Variants in PCP4 observed in about 807,000 individuals in gnomAD.
PCP4 encodes calmodulin regulator protein PCP4.
PCP4 carries 8 observed loss-of-function variants against 10.0 expected under a neutral mutation model. That is an observed-to-expected ratio of 0.80 (90% CI 0.47 to 1.45). The LOEUF (loss-of-function observed/expected upper bound fraction) is 1.45. Among genes scored for constraint, PCP4 ranks in the 40% most tolerant of loss-of-function variants. PCP4 has a pLI of 0.00. For missense variants in PCP4, 54 were observed against 74.4 expected (o/e 0.73, Z 1.01); for synonymous variants, 21 against 23.0 (o/e 0.91, Z 0.24).
At chr21:39,871,931 T>C (rs2087322237) in intron 1 of PCP4, among the ~76,000 whole-genome samples, 1 of 152,288 alleles carries the variant, frequency 6.6e-6, no homozygotes, top group Middle Eastern at 3.4e-3. Flanking sequence ...ACGATCAAGA[T>C]GAAAAGAAAA....
At chr21:39,927,310 CT>C (rs1222344919) in intron 2 of PCP4, among the ~76,000 whole-genome samples, 51 of 118,164 alleles carry the variant, frequency 4.3e-4, no homozygotes, top group African/African-American at 1.1e-3. Context: ...ATCTATCTAT[CT>C]ATCTATCTAT....
intron 2 of PCP4, among the ~76,000 whole-genome samples, chr21:39,922,551 C>T (rs545678371): frequency 7.2e-5 from 11 of 152,174 alleles, no homozygotes; most frequent in African/African-American, 2.4e-4. Context: ...TTCCAAGCCT[C>T]AGGGAGCATC....
intron 2 of PCP4, among the ~76,000 whole-genome samples, chr21:39,898,834 G>C (rs1340198003): frequency 6.6e-6 from 1 of 152,200 alleles, no homozygotes; most frequent in Non-Finnish European, 1.5e-5. Context: ...AATCATCCAA[G>C]TTGTTGTGAG....
At chr21:39,880,990 C>G (rs1034131) in intron 1 of PCP4, among the ~76,000 whole-genome samples, 102,847 of 151,984 alleles carry the variant, frequency 0.68, 36,576 homozygotes, top group African/African-American at 0.91. Flanking sequence ...GTTGGTTGTT[C>G]GTATTGGTGG....
chr21:39,918,507 A>G (rs1165735542), intron 2 of PCP4, among the ~76,000 whole-genome samples: 1 of 152,228 alleles, frequency 6.6e-6, no homozygotes, highest in African/African-American at 2.4e-5. Context: ...GAATACTTCT[A>G]TTTTAGGACA....
At chr21:39,870,462 A>G (rs1047561042) in intron 1 of PCP4, among the ~76,000 whole-genome samples, 5 of 152,320 alleles carry the variant, frequency 3.3e-5, no homozygotes, top group East Asian at 1.9e-4. Flanking sequence ...TAACCATCAC[A>G]GCCTCAGTTT....
intron 2 of PCP4, among the ~76,000 whole-genome samples, chr21:39,899,529 C>T (rs1030556527): frequency 2.0e-5 from 3 of 152,274 alleles, no homozygotes; most frequent in South Asian, 2.1e-4. Flanking sequence ...TGTTGCTCTG[C>T]GTCTGCAGCC....
intron 1 of PCP4, among the ~76,000 whole-genome samples, chr21:39,870,693 C>T (rs1047696787): frequency 1.1e-4 from 16 of 152,296 alleles, no homozygotes; most frequent in African/African-American, 3.6e-4. Flanking sequence ...AACATCTGAG[C>T]GTGAATTTAA....
At chr21:39,925,539 C>T (rs1354522033) in intron 2 of PCP4, among the ~76,000 whole-genome samples, 2 of 152,186 alleles carry the variant, frequency 1.3e-5, no homozygotes, top group Non-Finnish European at 2.9e-5. Flanking sequence ...CGAGGACAAA[C>T]CAGAGAAGGA....
chr21:39,900,740 A>C (rs1277197800), intron 2 of PCP4, among the ~76,000 whole-genome samples: 1 of 151,976 alleles, frequency 6.6e-6, no homozygotes, highest in African/African-American at 2.4e-5. Context: ...ATAAGAATGA[A>C]TCTCTATACT....
chr21:39,905,326 T>C (rs1333045003), intron 2 of PCP4, among the ~76,000 whole-genome samples: 6 of 152,176 alleles, frequency 3.9e-5, no homozygotes, highest in African/African-American at 1.4e-4. Flanking sequence ...CTCCAAACAC[T>C]CTAAAGAGTT....
chr21:39,892,498 T>C (rs1404771383), intron 1 of PCP4, among the ~76,000 whole-genome samples: 1 of 152,020 alleles, frequency 6.6e-6, no homozygotes, highest in African/African-American at 2.4e-5. Flanking sequence ...TCAGACACAG[T>C]TCACACAGCT....
rs907749727 is a variant in PCP4, at chr21:39,906,489, G to A, written c.61+7962G>A. On this transcript the variant is annotated intron_variant, in intron 2 of 2. Transcript: ENST00000328619. This position sits in a 1 kb window ranked among gnomAD's most constrained non-coding sequence, Gnocchi z 6.3. ...CATCAAAGCAACATGTTCATTTATA[G>A]CCTCTTCATATTTCACCTGCCCTCT... Among the ~76,000 whole-genome samples the A allele has an allele frequency of 2.0e-5, 3 of 152,032 alleles. No homozygotes were observed. The highest frequency in any genetic ancestry group is 4.4e-5 in the Non-Finnish European group (3 of 68,004).
chr21:39,904,377 A>G (rs1258694702), intron 2 of PCP4, among the ~76,000 whole-genome samples: 1 of 151,922 alleles, frequency 6.6e-6, no homozygotes, highest in Non-Finnish European at 1.5e-5. Context: ...TTATCTGTCA[A>G]CTCTCCTTGG....
intron 2 of PCP4, among the ~76,000 whole-genome samples, chr21:39,903,401 AG>A (rs149226905): frequency 0.14 from 20,723 of 152,190 alleles, 1,627 homozygotes; most frequent in Middle Eastern, 0.23. Context: ...TACAGAGGAA[AG>A]GTATTATTTT....
intron 1 of PCP4, among the ~76,000 whole-genome samples, chr21:39,885,232 C>T (rs548651421): frequency 6.6e-6 from 1 of 152,190 alleles, no homozygotes; most frequent in Admixed American, 6.5e-5. Flanking sequence ...CCTTCTCAAA[C>T]TGACACTGAG....
At chr21:39,898,406 TA>T (rs773699802) in intron 1 of PCP4, 69 bp from the exon 2 acceptor site, 8 of 1,241,046 alleles carry the variant, frequency 6.4e-6, no homozygotes, top group Non-Finnish European at 9.5e-6. Context: ...TTTGCAACAA[TA>T]AAAGAGACAA....
chr21:39,921,178 A>G (rs2837294), intron 2 of PCP4, among the ~76,000 whole-genome samples: 25,509 of 152,162 alleles, frequency 0.17, 2,320 homozygotes, highest in South Asian at 0.24. Flanking sequence ...AAGCTGGTTG[A>G]CTGTATTATG....
At chr21:39,910,277 C>A (rs9984802) in intron 2 of PCP4, among the ~76,000 whole-genome samples, 2,502 of 152,262 alleles carry the variant, frequency 0.016, 30 homozygotes, top group South Asian at 0.035. Flanking sequence ...CCAAGTGCAA[C>A]AGACCTGGCC....
Sources: gnomAD v4.1 joint callset for allele counts (sites outside exome capture counted in the v4.1 genomes callset) on GRCh38, gnomAD v4.1.1 for gene constraint, Gnocchi (gnomAD v3.1) non-coding constraint, MANE v1.5 for transcripts, NCBI Gene and HGNC (gene_info 2026-07-23, HGNC 2026-07-21) for gene names.